POTEJ: variants seen among roughly 807,000 people sequenced by gnomAD.
POTEJ encodes POTE ankyrin domain family member J.
A neutral mutation model predicts 69.0 loss-of-function variants in POTEJ; 11 were observed. The observed-to-expected ratio is 0.16, with a 90% confidence interval of 0.10 to 0.26. POTEJ has a LOEUF of 0.26. Among genes scored for constraint, POTEJ ranks in the 10% least tolerant of loss-of-function variants. The pLI, the probability that POTEJ is intolerant of heterozygous loss-of-function variation, is 1.00. For synonymous variants in POTEJ, 117 were observed against 381.1 expected (o/e 0.31, Z 8.07); for missense variants, 327 against 1,045.5 (o/e 0.31, Z 9.48).
At chr2:130,619,160 A>G (rs1430954061) in intron 3 of POTEJ, among the ~76,000 whole-genome samples, 1 of 152,034 alleles carries the variant, frequency 6.6e-6, no homozygotes, top group Admixed American at 6.5e-5. Context: ...CCTTTCTACC[A>G]TCAGTTATTC....
intron 1 of POTEJ, among the ~76,000 whole-genome samples, chr2:130,615,718 C>G (rs1685388793): frequency 2.7e-5 from 4 of 149,118 alleles, no homozygotes; most frequent in Admixed American, 2.7e-4. Flanking sequence ...GCACATTTAC[C>G]TATGTAACAA....
chr2:130,613,257 CATATATACAT>C (rs759926575), intron 1 of POTEJ, among the ~76,000 whole-genome samples: 221 of 98,996 alleles, frequency 2.2e-3, no homozygotes, highest in Non-Finnish European at 2.4e-3. Context: ...TATATATACA[CATATATACAT>C]ATATATACAT....
intron 13 of POTEJ, among the ~76,000 whole-genome samples, chr2:130,646,774 A>T (rs1198839385): frequency 7.0e-6 from 1 of 143,170 alleles, no homozygotes; most frequent in South Asian, 2.3e-4. Flanking sequence ...TTTAGTTCCC[A>T]CTAATGAGTA....
At position 130,656,591 on chromosome 2, in the gene POTEJ, A is replaced by T. The variant is rs1686997807; in HGVS notation, c.1831A>T (p.Asn611Tyr). ...GAAAGAAAGAGACTTCTTGCATGAA[A>T]ATAGTATGTTGCGGGAAGAAATTGC... ...CKKERDFLHE[N>Y]SMLREEIAML... The change falls in exon 15 of 15, where the codon AAT becomes TAT. Residue 611 changes from asparagine to tyrosine, a missense_variant. Coordinates refer to ENST00000409602, the MANE Select transcript of POTEJ (RefSeq NM_001277083.2). 6.2e-7 allele frequency: 1 copy of T among 1,609,650 alleles called. No individual in the cohort carries two copies. The highest frequency in any genetic ancestry group is 8.5e-7 in the Non-Finnish European group (1 of 1,179,864).
chr2:130,612,795 T>C (rs560264992), intron 1 of POTEJ, among the ~76,000 whole-genome samples: 692 of 149,158 alleles, frequency 4.6e-3, no homozygotes, highest in African/African-American at 0.017. Flanking sequence ...GATGTGAGCT[T>C]TTTCTATTTA....
At position 130,613,384 on chromosome 2, in the gene POTEJ, G is replaced by GTGTGTATATA. The variant is rs775956806; in HGVS notation, c.410+1443_410+1444insGTGTATATAT. On this transcript the variant is annotated intron_variant, in intron 1 of 14. Coordinates refer to ENST00000409602, the MANE Select transcript of POTEJ (RefSeq NM_001277083.2). ...TATACATATATATGTGTGTGTGTGTGTATATATATATATATATATATATAT... is the reference window on the plus strand; with the variant it reads ...TATACATATATATGTGTGTGTGTGTGTGTGTATATATATATATATATATATATATATATAT... Among the ~76,000 whole-genome samples, 63 of 83,550 alleles carry GTGTGTATATA rather than the reference G, an allele frequency of 7.5e-4. 2 individuals carry two copies. The highest frequency in any genetic ancestry group is 2.8e-3 in the African/African-American group (60 of 21,794). The allele number at this position is 83,550 out of a possible 152,430, so 54.8% of individuals were successfully genotyped here.
At position 130,613,276 on chromosome 2, in the gene POTEJ, ATATG is replaced by A. The variant is rs1322832094; in HGVS notation, c.410+1338_410+1341del. Reference sequence around the variant, plus strand: ...TATACACATATATACATATATATACATATGTATATATACATATATATACATATGT... The same window carrying A: ...TATACACATATATACATATATATACATATATATACATATATATACATATGT... On this transcript the variant is annotated intron_variant, in intron 1 of 14. Transcript: ENST00000409602. Among the ~76,000 whole-genome samples, 137 of 56,926 alleles carry A rather than the reference ATATG, an allele frequency of 2.4e-3. 3 individuals carry two copies. The African/African-American group carries it at 0.029, about 12-fold the overall frequency. The allele number at this position is 56,926 out of a possible 152,430, so 37.3% of individuals were successfully genotyped here.
At chr2:130,641,236 C>T (rs1350463940) in intron 10 of POTEJ, among the ~76,000 whole-genome samples, 1 of 152,146 alleles carries the variant, frequency 6.6e-6, no homozygotes, top group East Asian at 1.9e-4. Context: ...AACCAGGAGA[C>T]AAAGGAAGTT....
At chr2:130,647,047 T>A (rs1227140315) in intron 13 of POTEJ, among the ~76,000 whole-genome samples, 17 of 149,816 alleles carry the variant, frequency 1.1e-4, no homozygotes, top group African/African-American at 4.4e-4. Flanking sequence ...ATTATAGTAT[T>A]ATTATGTAAA....
chr2:130,640,503 TATCCTAGG>T (rs1686309358), intron 10 of POTEJ, among the ~76,000 whole-genome samples: 1 of 151,786 alleles, frequency 6.6e-6, no homozygotes, highest in Non-Finnish European at 1.5e-5. Flanking sequence ...TATTCATTGA[TATCCTAGG>T]ATCCCACCTG....
chr2:130,631,091 G>A (rs1469727191), intron 7 of POTEJ, among the ~76,000 whole-genome samples: 1 of 142,472 alleles, frequency 7.0e-6, no homozygotes. Flanking sequence ...CACATAACAA[G>A]TTTAGTCCAA....
chr2:130,640,050 G>T (rs1686288431), intron 10 of POTEJ, among the ~76,000 whole-genome samples: 1 of 150,612 alleles, frequency 6.6e-6, no homozygotes, highest in South Asian at 2.1e-4. Flanking sequence ...CCAGACATAT[G>T]TGATGAGGAG....
chr2:130,656,451 C>A, intron 14 of POTEJ, 98 bp from the exon 15 acceptor site: 3 of 1,464,726 alleles, frequency 2.0e-6, no homozygotes, highest in South Asian at 1.3e-5. Context: ...TATGGGGATT[C>A]TTTCATTATA....
intron 3 of POTEJ, among the ~76,000 whole-genome samples, chr2:130,617,455 AT>A: frequency 7.0e-5 from 1 of 14,310 alleles, no homozygotes; most frequent in South Asian, 1.3e-3. Flanking sequence ...GTGGTAAATA[AT>A]TTTTTTGAAA....
chr2:130,631,776 G>C (rs1358501241), intron 8 of POTEJ, among the ~76,000 whole-genome samples: 1 of 142,010 alleles, frequency 7.0e-6, no homozygotes, highest in Non-Finnish European at 1.5e-5. Context: ...GGCTAAAGAA[G>C]ATAGCTTCTT....
intron 5 of POTEJ, 35 bp from the exon 6 acceptor site, chr2:130,624,029 A>G (rs1218035896): frequency 1.4e-6 from 2 of 1,477,332 alleles, no homozygotes; most frequent in Admixed American, 1.9e-5. Context: ...TCAGTATTAA[A>G]ATAGTAATTT....
At chr2:130,651,538 A>ATTT (rs576686362) in intron 13 of POTEJ, among the ~76,000 whole-genome samples, 355 of 110,936 alleles carry the variant, frequency 3.2e-3, no homozygotes, top group East Asian at 4.7e-3. Context: ...TCTCACGAAG[A>ATTT]TTTTTTTTTT....
rs1427770158 is a variant in POTEJ at position 130,623,973 on chromosome 2, TG to T, written c.945-90del. The stretch of plus-strand genomic sequence containing the variant: ...CTATTAAGTTCTGATATTCTGATAT[TG>T]TTTGAAATACTCTTAATAATTCTGC... On this transcript the variant is annotated intron_variant, in intron 5 of 14. Coordinates refer to ENST00000409602, the MANE Select transcript of POTEJ (RefSeq NM_001277083.2). 2.3e-6 allele frequency: 3 copies of T among 1,298,476 alleles called. No homozygotes were observed. The African/African-American group carries it at 5.7e-5, about 25-fold the overall frequency. 80.4% of individuals were successfully genotyped at this position (1,298,476 alleles called of 1,614,324 possible).
chr2:130,624,037 T>C, intron 5 of POTEJ, 27 bp from the exon 6 acceptor site: 1 of 1,467,156 alleles, frequency 6.8e-7, no homozygotes, highest in Non-Finnish European at 9.2e-7. Context: ...AAAATAGTAA[T>C]TTGGTTTATT....
Sources: allele counts gnomAD v4.1 joint callset (sites outside exome capture counted in the v4.1 genomes callset), GRCh38; gene constraint gnomAD v4.1.1; transcripts MANE v1.5; gene names NCBI Gene and HGNC (gene_info 2026-07-23, HGNC 2026-07-21).